Variants in RBFOX3 observed in about 807,000 individuals in gnomAD.
RBFOX3 encodes the protein RNA binding protein fox-1 homolog 3.
RBFOX3 carries 17 observed loss-of-function variants against 48.7 expected under a neutral mutation model. The ratio of observed to expected loss-of-function variants is 0.35; its 90% CI spans 0.24 to 0.52. The LOEUF (loss-of-function observed/expected upper bound fraction) is 0.52. RBFOX3 is among the 20% of genes least tolerant of loss of function. The pLI is 0.94. For synonymous variants in RBFOX3, 212 were observed against 209.5 expected (o/e 1.01, Z -0.10); for missense variants, 382 against 497.5 (o/e 0.77, Z 2.21).
chr17:79,526,002 T>TTGCC (rs1470176156), intron 1 of RBFOX3, among the ~76,000 whole-genome samples: 1 of 152,150 alleles, frequency 6.6e-6, no homozygotes, highest in Non-Finnish European at 1.5e-5. Context: ...GCTCAAAGGT[T>TTGCC]TGCCTCCAGG....
At chr17:79,250,159 T>G (rs2063726978) in intron 3 of RBFOX3, among the ~76,000 whole-genome samples, 2 of 152,208 alleles carry the variant, frequency 1.3e-5, no homozygotes, top group Non-Finnish European at 2.9e-5. Context: ...TTTACTCACA[T>G]GATCAATTTC....
chr17:79,652,482 G>A, the RBFOX3 span, among the ~76,000 whole-genome samples: 1 of 147,532 alleles, frequency 6.8e-6, no homozygotes, highest in African/African-American at 2.6e-5. Context: ...AAGAGAGTGT[G>A]GGATAGGTGC....
rs150825229 is a variant in RBFOX3 at position 79,421,836 on chromosome 17, C to T, written c.-175+60618G>A. On this transcript the variant is annotated intron_variant, in intron 2 of 14. Transcript: ENST00000693108. The surrounding 1 kb of genome is among the most constrained non-coding windows in gnomAD (Gnocchi z 4.5). ...GAAGGGGAAGGAAGTGATCAGGTGC[C>T]GGAAGGCCCCGTGAGGGTGGCCCAC... Among the ~76,000 whole-genome samples the T allele has an allele frequency of 1.5e-3, 226 of 152,216 alleles. No individual in the cohort carries two copies. Among genetic ancestry groups the T allele is most frequent in the Non-Finnish European group, 2.7e-3 (184 of 67,990 alleles).
chr17:79,366,983 G>T (rs1475881435), intron 2 of RBFOX3, among the ~76,000 whole-genome samples: 2 of 152,166 alleles, frequency 1.3e-5, no homozygotes, highest in Non-Finnish European at 2.9e-5. Flanking sequence ...GGGTACAAAG[G>T]CCATGCCATT....
In RBFOX3 at chr17:79,300,735, C is replaced by T. The variant is rs560890004; in HGVS notation, c.-74+6989G>A. ...TCCCCAGGGGATCTAGTTTCCAAGC[C>T]GACGTTTCGAGACTCTGGGGGACAC... On this transcript the variant is annotated intron_variant, in intron 3 of 14. Transcript: ENST00000693108. 1.3e-3 allele frequency among the ~76,000 whole-genome samples: 198 copies of T among 152,218 alleles called. 1 individual carries two copies. The highest frequency in any genetic ancestry group is 4.7e-3 in the African/African-American group (196 of 41,534).
At chr17:79,344,435 A>G (rs1041061248) in intron 2 of RBFOX3, among the ~76,000 whole-genome samples, 1 of 152,096 alleles carries the variant, frequency 6.6e-6, no homozygotes, top group East Asian at 1.9e-4. Context: ...CTCTCCCAAC[A>G]GCCACCCCCT....
chr17:79,218,060 G>A (rs771458124), intron 4 of RBFOX3, among the ~76,000 whole-genome samples: 1 of 152,186 alleles, frequency 6.6e-6, no homozygotes, highest in Non-Finnish European at 1.5e-5. Context: ...CTGGGGTCAG[G>A]TGGACGGTGG....
At chr17:79,239,584 G>A (rs1225863821) in intron 3 of RBFOX3, among the ~76,000 whole-genome samples, 1 of 152,206 alleles carries the variant, frequency 6.6e-6, no homozygotes, top group African/African-American at 2.4e-5. Context: ...AGGAGACGGC[G>A]GGGCACTGCA....
At chr17:79,185,764 T>TCCTAAGCCATG (rs1229150574) in intron 4 of RBFOX3, among the ~76,000 whole-genome samples, 1 of 152,176 alleles carries the variant, frequency 6.6e-6, no homozygotes, top group African/African-American at 2.4e-5. Context: ...TGGGAGTGCT[T>TCCTAAGCCATG]CCTAAGCCAT....
At chr17:79,091,862 A>T in intron 14 of RBFOX3, 1 of 699,760 alleles carries the variant, frequency 1.4e-6, no homozygotes, top group South Asian at 6.4e-5. Flanking sequence ...TTTCTGCTGC[A>T]GCAGTGCTAA....
chr17:79,571,182 G>T (rs2092665546), intron 1 of RBFOX3, among the ~76,000 whole-genome samples: 1 of 152,214 alleles, frequency 6.6e-6, no homozygotes, highest in Admixed American at 6.5e-5. Flanking sequence ...AGGCATTCAA[G>T]ATTCTTAAGG....
At chr17:79,232,047 A>G (rs1281896204) in intron 4 of RBFOX3, among the ~76,000 whole-genome samples, 1 of 152,206 alleles carries the variant, frequency 6.6e-6, no homozygotes, top group African/African-American at 2.4e-5. Flanking sequence ...GGGAAATACC[A>G]GACGCTTACA....
chr17:79,559,639 A>G (rs2092050114), intron 1 of RBFOX3, among the ~76,000 whole-genome samples: 4 of 42,694 alleles, frequency 9.4e-5, no homozygotes, highest in African/African-American at 1.0e-4. Flanking sequence ...GTGGATGGTG[A>G]ATAGTGGATG....
At chr17:79,438,384 G>A (rs8073156) in intron 2 of RBFOX3, among the ~76,000 whole-genome samples, 114,344 of 152,150 alleles carry the variant, frequency 0.75, 43,441 homozygotes, top group Non-Finnish European at 0.81. Flanking sequence ...AAGGATCAAG[G>A]AGGATCTGTA....
intron 2 of RBFOX3, among the ~76,000 whole-genome samples, chr17:79,369,495 C>T (rs532253115): frequency 2.0e-5 from 3 of 152,112 alleles, no homozygotes; most frequent in South Asian, 4.1e-4. Flanking sequence ...GGGATCCCCT[C>T]GAACACCAGG....
At chr17:79,225,480 G>A (rs1352797544) in intron 4 of RBFOX3, among the ~76,000 whole-genome samples, 1 of 152,036 alleles carries the variant, frequency 6.6e-6, no homozygotes, top group African/African-American at 2.4e-5. Flanking sequence ...TAGTAGAGAC[G>A]GGATTTCACC....
chr17:79,241,674 C>T lies in RBFOX3; in HGVS notation c.-73-5869G>A, dbSNP rs915777505. Among the ~76,000 whole-genome samples the T allele has an allele frequency of 1.3e-4, 20 of 152,116 alleles. 1 individual carries two copies. The highest frequency in any genetic ancestry group is 2.9e-4 in the African/African-American group (12 of 41,404). On this transcript the variant is annotated intron_variant, in intron 3 of 14. Coordinates refer to ENST00000693108, the MANE Select transcript of RBFOX3 (RefSeq NM_001350451.2). ...CTGCCATGATAATACCATAGACTGC[C>T]GGCTTAAACAACAGAAATGTATTTC... is the stretch of plus-strand genomic sequence containing the variant.
intron 4 of RBFOX3, among the ~76,000 whole-genome samples, chr17:79,154,156 C>G (rs1042609458): frequency 1.4e-5 from 2 of 142,792 alleles, no homozygotes; most frequent in African/African-American, 5.0e-5. Context: ...CTGGCTGGCT[C>G]CAGCCACCAG....
At chr17:79,382,991 G>C (rs1426022702) in intron 2 of RBFOX3, among the ~76,000 whole-genome samples, 1 of 150,346 alleles carries the variant, frequency 6.7e-6, no homozygotes, top group East Asian at 1.9e-4. Flanking sequence ...TTCTGGGGCT[G>C]TGTGGGCACA....
Sources: gnomAD v4.1 joint callset for allele counts (sites outside exome capture counted in the v4.1 genomes callset) on GRCh38, gnomAD v4.1.1 for gene constraint, Gnocchi (gnomAD v3.1) non-coding constraint, MANE v1.5 for transcripts, NCBI Gene and HGNC (gene_info 2026-07-23, HGNC 2026-07-21) for gene names.